ZCWPW1: variants seen among roughly 807,000 people sequenced by gnomAD.
The protein encoded by ZCWPW1 is zinc finger CW-type PWWP domain protein 1.
Under a neutral mutation model 81.3 loss-of-function variants are expected in ZCWPW1, and 56 were observed. The ratio of observed to expected loss-of-function variants is 0.69; its 90% confidence interval spans 0.56 to 0.86. The LOEUF (loss-of-function observed/expected upper bound fraction) is 0.86, where lower values mean the gene tolerates loss of function less well. Among genes scored for constraint, ZCWPW1 ranks in the 40% least tolerant of loss-of-function variants. ZCWPW1 has a pLI of 0.00. For missense variants in ZCWPW1, 650 were observed against 769.8 expected (o/e 0.84, Z 1.84); for synonymous variants, 250 against 273.7 (o/e 0.91, Z 0.86).
intron 15 of ZCWPW1, among the ~76,000 whole-genome samples, 199 bp downstream of exon 15, chr7:100,403,495 G>A (rs1246298940): frequency 5.9e-5 from 9 of 151,554 alleles, no homozygotes; most frequent in African/African-American, 1.7e-4. Context: ...GATTACAGGC[G>A]TGAGCCACCA....
At chr7:100,423,418 C>A (rs1360716360) in intron 2 of ZCWPW1, among the ~76,000 whole-genome samples, 1 of 152,126 alleles carries the variant, frequency 6.6e-6, no homozygotes, top group African/African-American at 2.4e-5. Flanking sequence ...AATTTTAAGA[C>A]CTTAAATGGC....
intron 2 of ZCWPW1, among the ~76,000 whole-genome samples, chr7:100,421,564 T>G (rs1261707833): frequency 1.3e-5 from 2 of 152,202 alleles, no homozygotes; most frequent in African/African-American, 4.8e-5. Flanking sequence ...CCAGTAGAGG[T>G]TCCCAGAAAA....
intron 8 of ZCWPW1, among the ~76,000 whole-genome samples, chr7:100,409,926 A>C (rs1793848150): frequency 6.6e-6 from 1 of 152,214 alleles, no homozygotes; most frequent in Non-Finnish European, 1.5e-5. Flanking sequence ...GACACTACTG[A>C]AAAGTTCTTT....
chr7:100,406,661 C>G, intron 12 of ZCWPW1, 33 bp downstream of exon 12: 1 of 1,581,684 alleles, frequency 6.3e-7, no homozygotes, highest in Non-Finnish European at 8.7e-7. Flanking sequence ...TTTGTTTTCT[C>G]TGTATCACAA....
At position 100,405,097 on chromosome 7, in the gene ZCWPW1, A is replaced by G; in HGVS notation, c.1174-4T>C. On this transcript the variant is annotated splice_polypyrimidine_tract_variant and splice_region_variant and intron_variant, in intron 12 of 17. Transcript: ENST00000684423. ...TGCAGTCATTTCTGCGCTTTTTCTG[A>G]AATAGAAGATTAGAGCCAATGATAA... The G allele has an allele frequency of 6.2e-7, 1 of 1,611,496 alleles. No individual in the cohort carries two copies. The highest frequency in any genetic ancestry group is 8.5e-7 in the Non-Finnish European group (1 of 1,178,974).
chr7:100,403,654 T>A, intron 15 of ZCWPW1, 40 bp downstream of exon 15: 1 of 1,543,232 alleles, frequency 6.5e-7, no homozygotes, highest in Non-Finnish European at 8.8e-7. Context: ...TGAAACTCCA[T>A]CTCTATAAAA....
intron 12 of ZCWPW1, among the ~76,000 whole-genome samples, chr7:100,405,561 C>T (rs1016062697): frequency 6.6e-6 from 1 of 152,190 alleles, no homozygotes; most frequent in Non-Finnish European, 1.5e-5. Flanking sequence ...TACGATACTC[C>T]TATTCTTAAT....
Position 100,417,071 on chromosome 7 carries a change from A to G in ZCWPW1, c.474T>C (p.Ala158=). 3 of 1,612,902 alleles carry G rather than the reference A, an allele frequency of 1.9e-6. No homozygotes were observed. Among genetic ancestry groups the G allele is most frequent in the Non-Finnish European group, 2.5e-6 (3 of 1,178,908 alleles). Residue 158 remains alanine, a synonymous_variant, in exon 6 of 18, where the codon GCT becomes GCC. Transcript: ENST00000684423. ...CCTCACTGAAATAAACTTACCCATT[A>G]GCATTATCAGTATCAGTAGCAGAAG... The part of the protein sequence containing the change: ...ITASATDTDN[A]NGEEVPHTQE...
intron 2 of ZCWPW1, among the ~76,000 whole-genome samples, chr7:100,421,653 C>T (rs1244938500): frequency 2.0e-5 from 3 of 152,080 alleles, no homozygotes; most frequent in East Asian, 3.8e-4. Context: ...CATAGTTCAT[C>T]TTCAGCAATC....
Position 100,405,064 on chromosome 7 carries a change from T to C in ZCWPW1, c.1203A>G (p.Lys401=), listed in dbSNP as rs779988689. ...MKKRRNDCSQ[K]LGVALMMAQE... is the part of the protein sequence containing the mutation. ...GAGCCATCATCAGGGCCACCCCCAG[T>C]TTCTGGCTGCAGTCATTTCTGCGCT... is the stretch of plus-strand genomic sequence containing the variant. The change falls in exon 13 of 18, where the codon AAA becomes AAG. Residue 401 remains lysine, a synonymous_variant. Transcript: ENST00000684423. The C allele has an allele frequency of 7.4e-6, 12 of 1,613,366 alleles. No individual in the cohort carries two copies. The East Asian group carries it at 2.7e-4, about 36-fold the overall frequency.
intron 2 of ZCWPW1, among the ~76,000 whole-genome samples, chr7:100,423,855 G>A (rs370608507): frequency 1.2e-4 from 18 of 152,066 alleles, no homozygotes; most frequent in East Asian, 1.2e-3. Flanking sequence ...GATCACCTGA[G>A]GTCAGGAGTT....
chr7:100,416,362 CAGG>C lies in ZCWPW1; in HGVS notation c.571_573del (p.Pro191del). ...CTATTGGATTTCTTCTTAGAGGGTG[CAGG>C]ATCTGGCTGGCCTAACTTAGATGTC... On this transcript the variant is annotated inframe_deletion, in exon 7 of 18. Coordinates refer to ENST00000684423, the MANE Select transcript of ZCWPW1 (RefSeq NM_001386010.1). 6.2e-7 allele frequency: 1 copy of C among 1,614,136 alleles called. No homozygotes were observed. Among genetic ancestry groups the C allele is most frequent in the Non-Finnish European group, 8.5e-7 (1 of 1,180,010 alleles).
At chr7:100,404,649 C>G (rs986847961) in intron 13 of ZCWPW1, among the ~76,000 whole-genome samples, 4 of 152,152 alleles carry the variant, frequency 2.6e-5, no homozygotes, top group Admixed American at 2.0e-4. Context: ...CGTGAACCCC[C>G]TGCCCAGCCC....
chr7:100,404,385 G>A, intron 13 of ZCWPW1, 141 bp from the exon 14 acceptor site: 2 of 809,872 alleles, frequency 2.5e-6, no homozygotes, highest in Non-Finnish European at 3.9e-6. Flanking sequence ...TTTTGAGACA[G>A]GGTCTTGCTC....
intron 2 of ZCWPW1, among the ~76,000 whole-genome samples, chr7:100,421,169 A>G (rs1796272352): frequency 6.6e-6 from 1 of 152,134 alleles, no homozygotes; most frequent in East Asian, 1.9e-4. Flanking sequence ...AATAACAAAT[A>G]AATATTAGCA....
chr7:100,408,535 C>T lies in ZCWPW1; in HGVS notation c.992+4G>A. 1.2e-6 allele frequency: 2 copies of T among 1,612,630 alleles called. No individual in the cohort carries two copies. The highest frequency in any genetic ancestry group is 1.7e-6 in the Non-Finnish European group (2 of 1,179,396). ...GATGCTCTGACTGTGTCATAATGCC[C>T]TACCAGGGGTAACCGTATTGCTTGG... On this transcript the variant is annotated splice_donor_region_variant and intron_variant, in intron 10 of 17. Transcript: ENST00000684423.
intron 4 of ZCWPW1, 151 bp from the exon 5 acceptor site, chr7:100,419,340 C>G: frequency 1.3e-6 from 1 of 777,568 alleles, no homozygotes; most frequent in South Asian, 1.9e-5. Flanking sequence ...GAACTATATC[C>G]CAGATCTCCT....
chr7:100,419,046 A>C (rs558069331), intron 5 of ZCWPW1, 65 bp downstream of exon 5: 1 of 1,309,694 alleles, frequency 7.6e-7, no homozygotes, highest in African/African-American at 1.5e-5. Context: ...GTCAGACTTA[A>C]CTCTCCCTCT....
In ZCWPW1 at chr7:100,428,643, G is replaced by A. The variant is rs1221212151; in HGVS notation, c.-212C>T. On this transcript the variant is annotated 5_prime_UTR_variant, in exon 1 of 18. Coordinates refer to ENST00000684423, the MANE Select transcript of ZCWPW1 (RefSeq NM_001386010.1). The stretch of plus-strand genomic sequence containing the variant: ...TCCTCGGCCCAGCACTCCGCTGGCA[G>A]GGAGACCGGGCGGCGCATCTCCCCG... 2.6e-5 allele frequency: 4 copies of A among 152,376 alleles called. No homozygotes were observed. Among genetic ancestry groups the A allele is most frequent in the South Asian group, 4.1e-4 (2 of 4,860 alleles). 9.4% of individuals were successfully genotyped at this position (152,376 alleles called of 1,614,324 possible).
Sources: allele counts gnomAD v4.1 joint callset (sites outside exome capture counted in the v4.1 genomes callset), GRCh38; gene constraint gnomAD v4.1.1; transcripts MANE v1.5; gene names NCBI Gene and HGNC (gene_info 2026-07-23, HGNC 2026-07-21).